The following DCC variants were observed in gnomAD, a reference collection of about 807,000 sequenced individuals.
The protein encoded by DCC is DCC netrin 1 receptor.
DCC carries 58 observed loss-of-function variants against 172.5 expected under a neutral mutation model. The observed-to-expected ratio is 0.34, with a 90% CI of 0.27 to 0.42. DCC has a LOEUF of 0.42. DCC is among the 10% of genes least tolerant of loss of function. DCC has a pLI of 1.00. For missense variants in DCC, 1,740 were observed against 1,791.0 expected (o/e 0.97, Z 0.51); for synonymous variants, 709 against 644.5 (o/e 1.10, Z -1.52).
intron 5 of DCC, among the ~76,000 whole-genome samples, chr18:53,046,391 C>G (rs1012848429): frequency 3.2e-4 from 48 of 151,540 alleles, no homozygotes; most frequent in African/African-American, 1.1e-3. Context: ...TCTATTCTTT[C>G]AAGATCAACC....
At chr18:53,141,003 TTAAGA>T (rs1475835732) in intron 7 of DCC, among the ~76,000 whole-genome samples, 4 of 152,158 alleles carry the variant, frequency 2.6e-5, no homozygotes, top group African/African-American at 7.2e-5. Context: ...CAATAAGTCA[TTAAGA>T]TAAGTGATGA....
chr18:53,392,917 A>C (rs1424940144), intron 17 of DCC, among the ~76,000 whole-genome samples: 1 of 152,228 alleles, frequency 6.6e-6, no homozygotes, highest in Admixed American at 6.5e-5. Flanking sequence ...GGAGTGAAGA[A>C]GTCAGTTTTG....
rs34382170 is a variant in DCC, at chr18:53,292,113, ACCC to A, written c.1912-13456_1912-13454del. The stretch of plus-strand genomic sequence containing the variant: ...CATGTCTTTTTATTCTTTGAGCTCC[ACCC>A]CCCCCCCCTTTTTTCCTGTAAGCTG... On this transcript the variant is annotated intron_variant, in intron 12 of 28. Coordinates refer to ENST00000442544, the MANE Select transcript of DCC (RefSeq NM_005215.4). Among the ~76,000 whole-genome samples the A allele has an allele frequency of 6.7e-4, 91 of 136,068 alleles. 1 individual carries two copies. Among genetic ancestry groups the A allele is most frequent in the Middle Eastern group, 7.2e-3 (2 of 278 alleles). 89.3% of individuals were successfully genotyped at this position (136,068 alleles called of 152,430 possible).
chr18:53,338,760 G>A (rs1416120653), intron 14 of DCC, among the ~76,000 whole-genome samples: 1 of 152,138 alleles, frequency 6.6e-6, no homozygotes, highest in East Asian at 1.9e-4. Flanking sequence ...GAAAATATAT[G>A]TCAGGGTGGC....
At chr18:52,536,167 G>C (rs186601335) in intron 1 of DCC, among the ~76,000 whole-genome samples, 40 of 152,062 alleles carry the variant, frequency 2.6e-4, no homozygotes, top group Admixed American at 5.2e-4. Context: ...AGTGATATGT[G>C]GGGGGAAGGA....
chr18:52,670,313 G>A (rs1387501368), intron 1 of DCC, among the ~76,000 whole-genome samples: 1 of 152,196 alleles, frequency 6.6e-6, no homozygotes, highest in Non-Finnish European at 1.5e-5. Flanking sequence ...GTGGATGGAA[G>A]ACCAGGATGT....
At chr18:52,904,137 G>A (rs1049870443) in intron 2 of DCC, among the ~76,000 whole-genome samples, 1 of 152,142 alleles carries the variant, frequency 6.6e-6, no homozygotes, top group African/African-American at 2.4e-5. Context: ...AATCAGATGA[G>A]TAATTTTAGA....
In DCC at chr18:52,740,509, T is replaced by C. The variant is rs553896306; in HGVS notation, c.92-11545T>C. ...TATAATACAAATGTTTTATCACTGA[T>C]GAGTCCCCACATCAGACGTTATGCC... is the stretch of plus-strand genomic sequence containing the variant. On this transcript the variant is annotated intron_variant, in intron 1 of 28. Transcript: ENST00000442544. Among the ~76,000 whole-genome samples, 21 of 152,350 alleles carry C rather than the reference T, an allele frequency of 1.4e-4. No individual in the cohort carries two copies. The South Asian group carries it at 4.1e-3, about 30-fold the overall frequency.
intron 1 of DCC, among the ~76,000 whole-genome samples, chr18:52,741,330 C>T (rs1288414894): frequency 6.6e-6 from 1 of 152,198 alleles, no homozygotes; most frequent in Non-Finnish European, 1.5e-5. Context: ...TCTAGTTTCT[C>T]TGCTTCTTCC....
chr18:53,024,651 C>T (rs1020829531), intron 5 of DCC, among the ~76,000 whole-genome samples: 1 of 152,108 alleles, frequency 6.6e-6, no homozygotes, highest in South Asian at 2.1e-4. Flanking sequence ...CTGATGACTG[C>T]TTTCTTGTGG....
At chr18:53,073,563 T>G (rs890642664) in intron 7 of DCC, among the ~76,000 whole-genome samples, 1 of 152,034 alleles carries the variant, frequency 6.6e-6, no homozygotes, top group African/African-American at 2.4e-5. Context: ...AATAAAAAAA[T>G]AAATGCTGGT....
intron 27 of DCC, among the ~76,000 whole-genome samples, chr18:53,515,905 C>T (rs908972020): frequency 1.3e-5 from 2 of 152,100 alleles, no homozygotes; most frequent in Admixed American, 1.3e-4. Flanking sequence ...ATGCCATCCT[C>T]ATCAAGCTAC....
intron 5 of DCC, among the ~76,000 whole-genome samples, chr18:52,999,918 G>C (rs915677780): frequency 2.0e-5 from 3 of 151,946 alleles, no homozygotes; most frequent in Non-Finnish European, 2.9e-5. Flanking sequence ...TTTAATACTG[G>C]TGTCTTTATA....
intron 2 of DCC, among the ~76,000 whole-genome samples, chr18:52,839,627 C>G (rs555210726): frequency 6.6e-6 from 1 of 152,126 alleles, no homozygotes; most frequent in African/African-American, 2.4e-5. Flanking sequence ...GGTAAAGCTT[C>G]TTCACTTGGC....
intron 1 of DCC, among the ~76,000 whole-genome samples, chr18:52,563,157 AG>A (rs1364903197): frequency 6.6e-6 from 1 of 152,170 alleles, no homozygotes; most frequent in Non-Finnish European, 1.5e-5. Flanking sequence ...GGGAAAAGGA[AG>A]GAAGTCAAGA....
intron 27 of DCC, 93 bp downstream of exon 27, chr18:53,499,603 T>C (rs1172084381): frequency 2.9e-6 from 3 of 1,032,074 alleles, no homozygotes; most frequent in Non-Finnish European, 4.6e-6. Context: ...CTAGATGTCA[T>C]ATATCTTTTC....
chr18:53,139,271 C>G (rs1471646169), intron 7 of DCC, among the ~76,000 whole-genome samples: 5 of 152,134 alleles, frequency 3.3e-5, no homozygotes, highest in Admixed American at 1.3e-4. Context: ...CAAAAAGCAG[C>G]AGAATGTGCT....
intron 1 of DCC, among the ~76,000 whole-genome samples, chr18:52,367,201 C>T (rs1306167877): frequency 1.3e-5 from 2 of 152,124 alleles, no homozygotes; most frequent in African/African-American, 4.8e-5. Context: ...GCTCTGAGTG[C>T]GGGGCCCGCC....
chr18:53,386,177 T>C (rs772335797), intron 16 of DCC, 39 bp downstream of exon 16: 14 of 1,328,290 alleles, frequency 1.1e-5, no homozygotes, highest in Non-Finnish European at 1.1e-6. Flanking sequence ...CAAAGTATAT[T>C]TGATTTATGG....
Sources: gnomAD v4.1 joint callset for allele counts (sites outside exome capture counted in the v4.1 genomes callset) on GRCh38, gnomAD v4.1.1 for gene constraint, MANE v1.5 for transcripts, NCBI Gene and HGNC (gene_info 2026-07-23, HGNC 2026-07-21) for gene names.